The following ZNF423 variants were observed in gnomAD, a reference collection of about 807,000 sequenced individuals.
ZNF423 encodes zinc finger protein 423, also known as Ebf-associated zinc finger protein.
A neutral mutation model predicts 95.8 loss-of-function variants in ZNF423; 12 were observed. The ratio of observed to expected loss-of-function variants is 0.13; its 90% confidence interval spans 0.08 to 0.20. The LOEUF (loss-of-function observed/expected upper bound fraction) is 0.20, where lower values mean the gene tolerates loss of function less well. ZNF423 is among the 10% of genes least tolerant of loss of function. The pLI is 1.00. For missense variants in ZNF423, 1,316 were observed against 1,737.1 expected, an observed-to-expected ratio of 0.76 and a Z score of 4.31; for synonymous variants, 749 against 711.9, an observed-to-expected ratio of 1.05 and a Z score of -0.83.
intron 3 of ZNF423, among the ~76,000 whole-genome samples, chr16:49,698,296 A>G (rs772763085): frequency 5.6e-4 from 82 of 147,116 alleles, no homozygotes; most frequent in Non-Finnish European, 1.0e-3. Flanking sequence ...TGATTATCTG[A>G]GTGTGCAGCC....
intron 3 of ZNF423, among the ~76,000 whole-genome samples, chr16:49,666,153 G>C (rs1444599971): frequency 6.6e-6 from 1 of 152,232 alleles, no homozygotes; most frequent in Non-Finnish European, 1.5e-5. Context: ...CCGCCTCCCA[G>C]CTTCGTCCCT....
intron 1 of ZNF423, among the ~76,000 whole-genome samples, chr16:49,822,494 C>A (rs2034957183): frequency 6.6e-6 from 1 of 152,124 alleles, no homozygotes; most frequent in Non-Finnish European, 1.5e-5. Context: ...ATTTTTAAAT[C>A]CAAGTTAGAT....
intron 7 of ZNF423, among the ~76,000 whole-genome samples, chr16:49,519,148 C>G (rs1480355506): frequency 6.6e-6 from 1 of 152,168 alleles, no homozygotes; most frequent in Non-Finnish European, 1.5e-5. Context: ...ATGACCTGTA[C>G]CAATGTAACA....
chr16:49,750,838 G>C (rs1176440328), intron 2 of ZNF423, among the ~76,000 whole-genome samples: 2 of 152,226 alleles, frequency 1.3e-5, no homozygotes, highest in African/African-American at 2.4e-5. Context: ...GCCTCACTGA[G>C]GAAGCAGCGT....
chr16:49,746,484 T>G (rs565408575), intron 2 of ZNF423, among the ~76,000 whole-genome samples: 1 of 152,178 alleles, frequency 6.6e-6, no homozygotes, highest in African/African-American at 2.4e-5. Flanking sequence ...ACAGGGTACT[T>G]TCTCTTTTTT....
rs1420966098 is a variant in ZNF423 at position 49,638,515 on chromosome 16, G to A, written c.661C>T (p.Leu221=). The A allele has an allele frequency of 6.2e-7, 1 of 1,613,746 alleles. No individual in the cohort carries two copies. The highest frequency in any genetic ancestry group is 8.5e-7 in the Non-Finnish European group (1 of 1,180,044). Residue 221 remains leucine, a synonymous_variant, in exon 4 of 8, where the codon CTG becomes TTG. Coordinates refer to ENST00000563137, the MANE Select transcript of ZNF423 (RefSeq NM_001379286.1). This position sits in a 1 kb window ranked among gnomAD's most constrained non-coding sequence, Gnocchi z 5.6. ...FSRSDHLKIH[L]KTHSSSKPFK... ...GGCTTGCTGGAGCTGTGGGTCTTCA[G>A]GTGGATCTTGAGGTGGTCGCTGCGG...
rs562743153 is a variant in ZNF423 at position 49,651,222 on chromosome 16, C to T, written c.302-12348G>A. Among the ~76,000 whole-genome samples, 6 of 149,772 alleles carry T rather than the reference C, an allele frequency of 4.0e-5. No individual in the cohort carries two copies. In the East Asian group the frequency reaches 1.2e-3, roughly 29 times the overall value. Reference sequence around the variant, plus strand: ...TTTTTTTTTTGTAGAGACAGGGTCTCTCTATGTTGCACAGGCTGGTCTCAA... The same window carrying T: ...TTTTTTTTTTGTAGAGACAGGGTCTTTCTATGTTGCACAGGCTGGTCTCAA... On this transcript the variant is annotated intron_variant, in intron 3 of 7. Transcript: ENST00000563137.
intron 2 of ZNF423, among the ~76,000 whole-genome samples, chr16:49,766,094 T>C (rs2033924112): frequency 6.6e-6 from 1 of 152,234 alleles, no homozygotes; most frequent in Admixed American, 6.5e-5. Flanking sequence ...TTATGTATTT[T>C]ACCACAATTT....
intron 5 of ZNF423, among the ~76,000 whole-genome samples, chr16:49,617,476 A>T (rs1971916128): frequency 6.6e-6 from 1 of 152,234 alleles, no homozygotes; most frequent in African/African-American, 2.4e-5. Context: ...CACCAAGCCC[A>T]TGTGACATGA....
At chr16:49,581,255 G>A (rs528456885) in intron 5 of ZNF423, among the ~76,000 whole-genome samples, 6 of 152,240 alleles carry the variant, frequency 3.9e-5, no homozygotes, top group African/African-American at 1.2e-4. Flanking sequence ...AATTGGGAGC[G>A]GAGAGTTTAC....
chr16:49,854,553 G>A, intron 1 of ZNF423: 1 of 985,446 alleles, frequency 1.0e-6, no homozygotes, highest in African/African-American at 1.7e-5. Flanking sequence ...GGGCCTGGGG[G>A]CTTTTGGCTC....
intron 3 of ZNF423, among the ~76,000 whole-genome samples, chr16:49,709,183 T>TATATATATATATAA (rs58833331): frequency 0.082 from 11,835 of 144,992 alleles, 687 homozygotes; most frequent in Middle Eastern, 0.11. Context: ...TATATATATA[T>TATATATATATATAA]GAAAACGGAG....
chr16:49,702,443 C>T (rs761861843), intron 3 of ZNF423, among the ~76,000 whole-genome samples: 12 of 152,184 alleles, frequency 7.9e-5, no homozygotes, highest in South Asian at 2.1e-4. Context: ...ACAGCTGTGA[C>T]GGCCCTTGTA....
At chr16:49,696,545 G>T (rs1448284052) in intron 3 of ZNF423, among the ~76,000 whole-genome samples, 1 of 152,116 alleles carries the variant, frequency 6.6e-6, no homozygotes, top group East Asian at 1.9e-4. Flanking sequence ...GCCCAGGCCC[G>T]CCAGGCCTGG....
intron 5 of ZNF423, among the ~76,000 whole-genome samples, chr16:49,563,929 T>G (rs945339305): frequency 6.6e-6 from 1 of 152,236 alleles, no homozygotes; most frequent in African/African-American, 2.4e-5. Context: ...CACCATCTGA[T>G]GGGCCAAGGT....
intron 3 of ZNF423, among the ~76,000 whole-genome samples, chr16:49,696,116 T>C (rs759013000): frequency 8.5e-5 from 13 of 152,204 alleles, no homozygotes; most frequent in Non-Finnish European, 1.6e-4. Flanking sequence ...TCACTGTTAC[T>C]GTGAGAACCC....
chr16:49,528,005 G>C (rs543941684), intron 5 of ZNF423, among the ~76,000 whole-genome samples: 109 of 152,068 alleles, frequency 7.2e-4, no homozygotes, highest in Non-Finnish European at 1.4e-3. Flanking sequence ...AGATTTTCTG[G>C]GCTTGCCTGC....
At chr16:49,595,767 A>AT (rs932318575) in intron 5 of ZNF423, among the ~76,000 whole-genome samples, 1 of 152,214 alleles carries the variant, frequency 6.6e-6, no homozygotes, top group African/African-American at 2.4e-5. Flanking sequence ...TTTTGTCAAT[A>AT]TTTTTTTATT....
chr16:49,563,255 G>A (rs867554259), intron 5 of ZNF423, among the ~76,000 whole-genome samples: 7 of 152,090 alleles, frequency 4.6e-5, no homozygotes, highest in South Asian at 4.1e-4. Context: ...AGTTCCCATA[G>A]AGCTGATTGT....
Sources: allele counts gnomAD v4.1 joint callset (sites outside exome capture counted in the v4.1 genomes callset), GRCh38; gene constraint gnomAD v4.1.1; non-coding constraint Gnocchi (gnomAD v3.1); transcripts MANE v1.5; gene names NCBI Gene and HGNC (gene_info 2026-07-23, HGNC 2026-07-21).